Variants in RELT observed in about 807,000 individuals in gnomAD.
RELT encodes RELT TNF receptor.
In RELT, 37 loss-of-function variants were observed where a neutral mutation model predicts 51.1. The ratio of observed to expected loss-of-function variants is 0.72; its 90% CI spans 0.56 to 0.95. The LOEUF is 0.95. RELT is among the 40% of genes least tolerant of loss of function. The pLI is 0.00. For synonymous variants in RELT, 241 were observed against 235.7 expected (o/e 1.02, Z -0.21); for missense variants, 535 against 572.6 (o/e 0.93, Z 0.67).
At position 73,394,760 on chromosome 11, in the gene RELT, G is replaced by A. The variant is rs1346041227; in HGVS notation, c.1046+26G>A. ...GTGAGATGGGCACAGATGCAGCAGG[G>A]GCAGGTAAAGACGTGACAGCCTGGG... On this transcript the variant is annotated intron_variant, in intron 9 of 10. Transcript: ENST00000064780. This position sits in a 1 kb window ranked among gnomAD's most constrained non-coding sequence, Gnocchi z 4.9. The A allele has an allele frequency of 6.3e-6, 10 of 1,598,300 alleles. No homozygotes were observed. In the Middle Eastern group the frequency reaches 8.3e-4, roughly 132 times the overall value.
In RELT at chr11:73,392,000, A is replaced by G. The variant is rs563178497; in HGVS notation, c.368-211A>G. 328 of 624,038 alleles carry G rather than the reference A, an allele frequency of 5.3e-4. 1 individual carries two copies. In the African/African-American group the frequency reaches 5.3e-3, roughly 10 times the overall value. The allele number at this position is 624,038 out of a possible 1,614,324, so 38.7% of individuals were successfully genotyped here. On this transcript the variant is annotated intron_variant, in intron 5 of 10. Transcript: ENST00000064780. ...TGGGGCTGGGTGTCTGGCCGTCCTGAGGAGGCCTTGTTCAGGACAATGCTT... is the reference window on the plus strand; with the variant it reads ...TGGGGCTGGGTGTCTGGCCGTCCTGGGGAGGCCTTGTTCAGGACAATGCTT...
rs1357212315 is a variant in RELT at position 73,388,032 on chromosome 11, G to A, written c.-25-1080G>A. Among the ~76,000 whole-genome samples the A allele has an allele frequency of 2.0e-5, 3 of 152,206 alleles. No homozygotes were observed. Among genetic ancestry groups the A allele is most frequent in the African/African-American group, 7.2e-5 (3 of 41,450 alleles). On this transcript the variant is annotated intron_variant, in intron 1 of 10. Coordinates refer to ENST00000064780, the MANE Select transcript of RELT (RefSeq NM_152222.2). The surrounding 1 kb of genome is among the most constrained non-coding windows in gnomAD (Gnocchi z 4.1). Reference sequence around the variant, plus strand: ...CCACCTGTCCCTTCTGCTGTCTGATGTGAATCCTTTGTCCTGCTGTGTCCG... The same window carrying A: ...CCACCTGTCCCTTCTGCTGTCTGATATGAATCCTTTGTCCTGCTGTGTCCG...
intron 1 of RELT, among the ~76,000 whole-genome samples, chr11:73,382,280 CA>C (rs1401120929): frequency 6.6e-6 from 1 of 152,200 alleles, no homozygotes; most frequent in Non-Finnish European, 1.5e-5. Flanking sequence ...TGGGGCAGAC[CA>C]GGGCTGTGGT....
rs1866152108 is a variant in RELT, at chr11:73,388,045, CCTG to C, written c.-25-1063_-25-1061del. Reference sequence around the variant, plus strand: ...CTGCTGTCTGATGTGAATCCTTTGTCCTGCTGTGTCCGCCTCGTCCACTGGCCG... The same window carrying C: ...CTGCTGTCTGATGTGAATCCTTTGTCCTGTGTCCGCCTCGTCCACTGGCCG... On this transcript the variant is annotated intron_variant, in intron 1 of 10. Coordinates refer to ENST00000064780, the MANE Select transcript of RELT (RefSeq NM_152222.2). This position sits in a 1 kb window ranked among gnomAD's most constrained non-coding sequence, Gnocchi z 4.1. Among the ~76,000 whole-genome samples, 1 of 152,234 alleles carries C rather than the reference CCTG, an allele frequency of 6.6e-6. No individual in the cohort carries two copies. Among genetic ancestry groups the C allele is most frequent in the Non-Finnish European group, 1.5e-5 (1 of 68,048 alleles).
chr11:73,394,791 G>C lies in RELT; in HGVS notation c.1046+57G>C. On this transcript the variant is annotated intron_variant, in intron 9 of 10. Transcript: ENST00000064780. This position sits in a 1 kb window ranked among gnomAD's most constrained non-coding sequence, Gnocchi z 4.9. ...TAAAGACGTGACAGCCTGGGGGCCG[G>C]GAGGGGGAGGCAGGGCCCCAGCTTG... 1 of 1,571,716 alleles carries C rather than the reference G, an allele frequency of 6.4e-7. No homozygotes were observed. The highest frequency in any genetic ancestry group is 8.6e-7 in the Non-Finnish European group (1 of 1,161,600).
intron 5 of RELT, among the ~76,000 whole-genome samples, chr11:73,391,431 G>T (rs904628432): frequency 3.9e-5 from 6 of 152,218 alleles, no homozygotes; most frequent in Non-Finnish European, 7.3e-5. Context: ...CCGAGTGGCA[G>T]AGAGTGTCCT....
rs149458890 is a variant in RELT, at chr11:73,392,348, G to A, written c.505G>A (p.Val169Ile). The A allele has an allele frequency of 9.9e-6, 16 of 1,613,840 alleles. No individual in the cohort carries two copies. Among genetic ancestry groups the A allele is most frequent in the African/African-American group, 5.3e-5 (4 of 75,048 alleles). ...TAAQYAVIAI[V>I]PVFCLMGLLG... ...CGCCCAGTACGCGGTCATCGCCATC[G>A]TCCCTGTCTTCTGCCTCATGGGGCT... is the stretch of plus-strand genomic sequence containing the variant. The change falls in exon 6 of 11, where the codon GTC becomes ATC. Residue 169 changes from valine (V) to isoleucine (I), a missense_variant. Coordinates refer to ENST00000064780, the MANE Select transcript of RELT (RefSeq NM_152222.2).
chr11:73,393,872 G>A lies in RELT; in HGVS notation c.661G>A (p.Glu221Lys), dbSNP rs747229346. 19 of 1,613,996 alleles carry A rather than the reference G, an allele frequency of 1.2e-5. No homozygotes were observed. The highest frequency in any genetic ancestry group is 2.5e-6 in the Non-Finnish European group (3 of 1,180,000). The change falls in exon 7 of 11, where the codon GAG becomes AAG. Residue 221 changes from glutamate (E) to lysine (K), a missense_variant. Physicochemically the swap from Glu to Lys is moderately conservative, Grantham distance 56 (BLOSUM62 1). Coordinates refer to ENST00000064780, the MANE Select transcript of RELT (RefSeq NM_152222.2). Reference sequence around the variant, plus strand: ...TGCCTACCGGACTGAGGATGCCAATGAGGACACCATTGGGGTCCTGGTGCG... The same window carrying A: ...TGCCTACCGGACTGAGGATGCCAATAAGGACACCATTGGGGTCCTGGTGCG... ...NPAYRTEDAN[E>K]DTIGVLVRLI...
At chr11:73,377,520 G>A (rs909900230) in intron 1 of RELT, among the ~76,000 whole-genome samples, 38 of 152,030 alleles carry the variant, frequency 2.5e-4, no homozygotes, top group African/African-American at 9.0e-4. Flanking sequence ...CATCTGGTGG[G>A]GTGGCCCAGA....
In RELT at chr11:73,395,244, C is replaced by T. The variant is rs150214600; in HGVS notation, c.1204C>T (p.Arg402Cys). ...GGCCCTGCTAGGAAGTGGCGGAAGCCGTACAAAGTGGCTGAAGCCCCCAGC... is the reference window on the plus strand; with the variant it reads ...GGCCCTGCTAGGAAGTGGCGGAAGCTGTACAAAGTGGCTGAAGCCCCCAGC... ...QQALLGSGGS[R>C]TKWLKPPAEN... Residue 402 changes from arginine to cysteine, a missense_variant, in exon 10 of 11, where the codon CGT (arginine) becomes TGT (cysteine). Physicochemically the swap from Arg to Cys is radical, Grantham distance 180. Transcript: ENST00000064780. 25 of 1,613,154 alleles carry T rather than the reference C, an allele frequency of 1.5e-5. No individual in the cohort carries two copies. In the East Asian group the frequency reaches 3.8e-4, roughly 24 times the overall value.
At chr11:73,383,777 G>T (rs780562793) in intron 1 of RELT, among the ~76,000 whole-genome samples, 57 of 152,352 alleles carry the variant, frequency 3.7e-4, no homozygotes, top group Non-Finnish European at 6.8e-4. Flanking sequence ...AGCAACCCAG[G>T]ATGAGGGCCC....
At chr11:73,377,689 G>GT (rs1259331392) in intron 1 of RELT, among the ~76,000 whole-genome samples, 1 of 117,802 alleles carries the variant, frequency 8.5e-6, no homozygotes, top group Non-Finnish European at 1.9e-5. Flanking sequence ...AGACCCCCCC[G>GT]CCCCCCTCCC....
In RELT at chr11:73,392,351, C is replaced by T. The variant is rs752075432; in HGVS notation, c.508C>T (p.Pro170Ser). 12 of 1,613,736 alleles carry T rather than the reference C, an allele frequency of 7.4e-6. 1 individual carries two copies. The South Asian group carries it at 1.3e-4, about 18-fold the overall frequency. Reference protein sequence around the residue: ...AAQYAVIAIVPVFCLMGLLGI... With the variant: ...AAQYAVIAIVSVFCLMGLLGI... ...CCAGTACGCGGTCATCGCCATCGTC[C>T]CTGTCTTCTGCCTCATGGGGCTGTT... Residue 170 changes from proline to serine, a missense_variant, in exon 6 of 11, where the codon CCT (proline) becomes TCT (serine). Physicochemically the swap from Pro to Ser is moderately conservative, Grantham distance 74 (BLOSUM62 -1). Transcript: ENST00000064780.
chr11:73,386,245 A>C (rs551001151), intron 1 of RELT, among the ~76,000 whole-genome samples: 75 of 152,188 alleles, frequency 4.9e-4, no homozygotes, highest in Non-Finnish European at 8.5e-4. Flanking sequence ...CCTCCTCCCC[A>C]TCCAGTGTGG....
chr11:73,392,149 C>T (rs1366289613), intron 5 of RELT, 62 bp from the exon 6 acceptor site: 4 of 1,562,672 alleles, frequency 2.6e-6, no homozygotes, highest in Admixed American at 1.8e-5. Flanking sequence ...GCCCTGGGCC[C>T]CTGTCTCTCT....
Position 73,392,217 on chromosome 11 carries a change from G to A in RELT, c.374G>A (p.Gly125Glu), listed in dbSNP as rs1866226778. Residue 125 changes from glycine (G) to glutamate (E), a missense_variant, in exon 6 of 11, where the codon GGG becomes GAG. By Grantham distance (98) the Gly-to-Glu change is moderately conservative. Coordinates refer to ENST00000064780, the MANE Select transcript of RELT (RefSeq NM_152222.2). ...CATCGTCTGTGATGCTCAGAGTGGG[G>A]GCGGCGGGCCCGACGTGGCGTGGAG... is the stretch of plus-strand genomic sequence containing the variant. ...PLGTHGCDEW[G>E]RRARRGVEVA... 6.2e-7 allele frequency: 1 copy of A among 1,611,144 alleles called. No individual in the cohort carries two copies. Among genetic ancestry groups the A allele is most frequent in the South Asian group, 1.1e-5 (1 of 90,776 alleles).
chr11:73,379,510 C>T (rs1866018524), intron 1 of RELT, among the ~76,000 whole-genome samples: 1 of 152,184 alleles, frequency 6.6e-6, no homozygotes, highest in African/African-American at 2.4e-5. Flanking sequence ...TAGGGTCAGG[C>T]CCAATCTCAT....
At chr11:73,378,713 G>A (rs1023523523) in intron 1 of RELT, among the ~76,000 whole-genome samples, 1 of 152,238 alleles carries the variant, frequency 6.6e-6, no homozygotes, top group Non-Finnish European at 1.5e-5. Flanking sequence ...GAACACTGGG[G>A]ATGGGTGGGT....
Position 73,389,948 on chromosome 11 carries a change from G to A in RELT, c.46-603G>A, listed in dbSNP as rs1866184037. On this transcript the variant is annotated intron_variant, in intron 2 of 10. Transcript: ENST00000064780. ...AGCAGAGAGAACTCCTAGTGAAATG[G>A]GCTGGGGACACACACTGAGAAGATG... 2.0e-5 allele frequency among the ~76,000 whole-genome samples: 3 copies of A among 152,214 alleles called. No individual in the cohort carries two copies. In the South Asian group the frequency reaches 6.2e-4, roughly 32 times the overall value.
Sources: gnomAD v4.1 joint callset for allele counts (sites outside exome capture counted in the v4.1 genomes callset) on GRCh38, gnomAD v4.1.1 for gene constraint, Gnocchi (gnomAD v3.1) non-coding constraint, MANE v1.5 for transcripts, NCBI Gene and HGNC (gene_info 2026-07-23, HGNC 2026-07-21) for gene names.